KCNH7: variants seen among roughly 807,000 people sequenced by gnomAD.
KCNH7 encodes the protein voltage-gated inwardly rectifying potassium channel KCNH7.
KCNH7 carries 49 observed loss-of-function variants against 120.8 expected under a neutral mutation model. The observed-to-expected ratio is 0.41, with a 90% CI of 0.32 to 0.51. KCNH7 has a LOEUF of 0.51. Ranked by LOEUF, KCNH7 falls within the 20% of genes least tolerant of loss-of-function variation. The pLI is 0.38. For missense variants in KCNH7, 1,097 were observed against 1,446.6 expected (o/e 0.76, Z 3.92); for synonymous variants, 547 against 516.1 (o/e 1.06, Z -0.81).
intron 2 of KCNH7, among the ~76,000 whole-genome samples, chr2:162,662,440 G>A (rs1337598349): frequency 3.3e-5 from 5 of 151,880 alleles, no homozygotes; most frequent in Non-Finnish European, 5.9e-5. Context: ...GCTTGTTTTA[G>A]GCAAAGCAAA....
At position 162,640,124 on chromosome 2, in the gene KCNH7, A is replaced by T. The variant is rs577103821; in HGVS notation, c.308-103044T>A. 1.9e-3 allele frequency among the ~76,000 whole-genome samples: 290 copies of T among 152,300 alleles called. 1 individual carries two copies. Among genetic ancestry groups the T allele is most frequent in the African/African-American group, 6.5e-3 (269 of 41,570 alleles). On this transcript the variant is annotated intron_variant, in intron 2 of 15. Transcript: ENST00000332142. The stretch of plus-strand genomic sequence containing the variant: ...ATAGTAACTATTTCAATTCTCCCCA[A>T]ATTGCTATACCGGTTTAACACAATT...
chr2:162,490,671 A>G (rs1326624465), intron 6 of KCNH7, among the ~76,000 whole-genome samples: 2 of 152,182 alleles, frequency 1.3e-5, no homozygotes, highest in African/African-American at 4.8e-5. Context: ...TACAGAGGAC[A>G]GGATGCTAGA....
intron 6 of KCNH7, among the ~76,000 whole-genome samples, chr2:162,475,489 T>C (rs1184907024): frequency 1.3e-5 from 2 of 152,208 alleles, no homozygotes; most frequent in African/African-American, 4.8e-5. Flanking sequence ...GTTCCATATT[T>C]GGGTGTATGT....
At chr2:162,504,189 C>A (rs1196307819) in intron 6 of KCNH7, among the ~76,000 whole-genome samples, 1 of 151,994 alleles carries the variant, frequency 6.6e-6, no homozygotes, top group African/African-American at 2.4e-5. Flanking sequence ...AGCAGGTTAA[C>A]CACCTCTACG....
intron 2 of KCNH7, among the ~76,000 whole-genome samples, chr2:162,720,114 C>A (rs1687276352): frequency 6.6e-6 from 1 of 151,906 alleles, no homozygotes; most frequent in African/African-American, 2.4e-5. Context: ...CTGAATCCAA[C>A]TGGATTTGCA....
chr2:162,593,264 T>C lies in KCNH7; in HGVS notation c.308-56184A>G, dbSNP rs556692599. Among the ~76,000 whole-genome samples the C allele has an allele frequency of 4.0e-4, 61 of 152,192 alleles. No individual in the cohort carries two copies. In the Middle Eastern group the frequency reaches 0.02, roughly 51 times the overall value. On this transcript the variant is annotated intron_variant, in intron 2 of 15. Transcript: ENST00000332142. ...AGTAGTGGAAGTTATGTTTAAGAATTTGCTTTGCTTCAATCAAATAGTTCC... is the reference window on the plus strand; with the variant it reads ...AGTAGTGGAAGTTATGTTTAAGAATCTGCTTTGCTTCAATCAAATAGTTCC...
At chr2:162,556,963 T>A (rs1347043999) in intron 2 of KCNH7, among the ~76,000 whole-genome samples, 1 of 152,224 alleles carries the variant, frequency 6.6e-6, no homozygotes, top group Non-Finnish European at 1.5e-5. Flanking sequence ...GGAAAAGTCT[T>A]GCAGCAGATC....
At chr2:162,459,746 G>C (rs895094729) in intron 6 of KCNH7, among the ~76,000 whole-genome samples, 45 of 152,242 alleles carry the variant, frequency 3.0e-4, no homozygotes, top group Admixed American at 8.5e-4. Flanking sequence ...ATGTGAACCA[G>C]CTCACCCATT....
chr2:162,769,537 A>G (rs1682957201), intron 2 of KCNH7, among the ~76,000 whole-genome samples: 1 of 152,122 alleles, frequency 6.6e-6, no homozygotes, highest in Non-Finnish European at 1.5e-5. Context: ...TCTATAGACT[A>G]TACTAAGGAA....
At chr2:162,578,399 G>T (rs188433081) in intron 2 of KCNH7, among the ~76,000 whole-genome samples, 1 of 152,042 alleles carries the variant, frequency 6.6e-6, no homozygotes, top group Admixed American at 6.6e-5. Context: ...TGGTAAAGTA[G>T]ATATTATTTC....
chr2:162,677,034 A>C (rs1396674835), intron 2 of KCNH7, among the ~76,000 whole-genome samples: 1 of 151,526 alleles, frequency 6.6e-6, no homozygotes, highest in Admixed American at 6.6e-5. Flanking sequence ...AATATCAATA[A>C]TCCCTTAACT....
At chr2:162,674,779 A>G (rs1410838160) in intron 2 of KCNH7, among the ~76,000 whole-genome samples, 2 of 151,534 alleles carry the variant, frequency 1.3e-5, no homozygotes, top group Admixed American at 6.6e-5. Context: ...ACATCTATAT[A>G]TACTTCAAAG....
In KCNH7 at chr2:162,373,470, T is replaced by A; in HGVS notation, c.3324A>T (p.Gln1108His). 1 of 1,520,408 alleles carries A rather than the reference T, an allele frequency of 6.6e-7. No homozygotes were observed. Among genetic ancestry groups the A allele is most frequent in the East Asian group, 2.5e-5 (1 of 40,394 alleles). The allele number at this position is 1,520,408 out of a possible 1,614,324, so 94.2% of individuals were successfully genotyped here. A position where few individuals can be genotyped will look rare whatever the true frequency, so the allele number is the denominator to read the frequency against. ...KTDRSFSPSS[Q>H]CPEFLDLEKS... ...TTGGTTGGATGGTATCCACACTTACTTGTGAGGAAGGGCTGAAACTTCGGT... is the reference window on the plus strand; with the variant it reads ...TTGGTTGGATGGTATCCACACTTACATGTGAGGAAGGGCTGAAACTTCGGT... The change falls in exon 15 of 16, where the codon CAA becomes CAT. Residue 1108 changes from glutamine to histidine, a missense_variant and splice_region_variant. By Grantham distance (24) the Gln-to-His change is conservative. This residue lies in a region of KCNH7 where 406 missense variants were observed against 410.5 expected (regional missense o/e 0.99). Coordinates refer to ENST00000332142, the MANE Select transcript of KCNH7 (RefSeq NM_033272.4).
chr2:162,823,286 G>A (rs372048225), intron 2 of KCNH7, among the ~76,000 whole-genome samples: 11 of 151,944 alleles, frequency 7.2e-5, no homozygotes, highest in African/African-American at 2.7e-4. Context: ...AGTGCTCAAT[G>A]ATACTTATTA....
chr2:162,607,346 T>C (rs1259196192), intron 2 of KCNH7, among the ~76,000 whole-genome samples: 2 of 151,088 alleles, frequency 1.3e-5, no homozygotes, highest in African/African-American at 2.4e-5. Flanking sequence ...GCCAAGATTG[T>C]CCCACTGCAC....
intron 2 of KCNH7, among the ~76,000 whole-genome samples, chr2:162,564,347 G>A (rs1051426579): frequency 3.9e-5 from 6 of 152,062 alleles, no homozygotes; most frequent in Non-Finnish European, 5.9e-5. Context: ...TTCACAGGTC[G>A]CTGAGTCCCA....
At chr2:162,677,970 A>G (rs1217629078) in intron 2 of KCNH7, among the ~76,000 whole-genome samples, 4 of 151,322 alleles carry the variant, frequency 2.6e-5, no homozygotes, top group Non-Finnish European at 5.9e-5. Context: ...ATTTTTTTCT[A>G]TTGGATTGTT....
At chr2:162,388,737 A>C (rs1200184844) in intron 12 of KCNH7, among the ~76,000 whole-genome samples, 1 of 151,962 alleles carries the variant, frequency 6.6e-6, no homozygotes, top group African/African-American at 2.4e-5. Context: ...CACAGGAGCT[A>C]TTTTATTTTG....
At chr2:162,634,085 T>A (rs1354546411) in intron 2 of KCNH7, among the ~76,000 whole-genome samples, 1 of 152,074 alleles carries the variant, frequency 6.6e-6, no homozygotes, top group Non-Finnish European at 1.5e-5. Flanking sequence ...CTATAGTTAA[T>A]GGGATGTTTT....
Sources: allele counts gnomAD v4.1 joint callset (sites outside exome capture counted in the v4.1 genomes callset), GRCh38; gene constraint gnomAD v4.1.1; regional missense constraint gnomAD v4.1.1; transcripts MANE v1.5; gene names NCBI Gene and HGNC (gene_info 2026-07-23, HGNC 2026-07-21).